Variants in KYNU observed in about 807,000 individuals in gnomAD.
The protein encoded by KYNU is L-kynurenine hydrolase.
In KYNU, 54 loss-of-function variants were observed where a neutral mutation model predicts 59.2. That is an observed-to-expected ratio of 0.91 (90% CI 0.73 to 1.14). The LOEUF (loss-of-function observed/expected upper bound fraction) is 1.14. Among genes scored for constraint, KYNU ranks in the 50% most tolerant of loss-of-function variants. The pLI, the probability that KYNU is intolerant of heterozygous loss-of-function variation, is 0.00. For synonymous variants in KYNU, 177 were observed against 192.0 expected, an observed-to-expected ratio of 0.92 and a Z score of 0.65; for missense variants, 567 against 554.4, an observed-to-expected ratio of 1.02 and a Z score of -0.23.
intron 10 of KYNU, among the ~76,000 whole-genome samples, 191 bp downstream of exon 10, chr2:142,986,212 G>A (rs1205274910): frequency 1.3e-5 from 2 of 151,876 alleles, no homozygotes; most frequent in African/African-American, 4.8e-5. Flanking sequence ...TCAATTGGTT[G>A]AACAAGAAAT....
At chr2:142,906,300 G>A (rs2104958694) in intron 2 of KYNU, among the ~76,000 whole-genome samples, 1 of 152,334 alleles carries the variant, frequency 6.6e-6, no homozygotes, top group South Asian at 2.1e-4. Flanking sequence ...CTAAGGCCCT[G>A]GCCAAGGAGC....
At chr2:142,916,447 C>T (rs1573786179) in intron 2 of KYNU, among the ~76,000 whole-genome samples, 2 of 152,268 alleles carry the variant, frequency 1.3e-5, no homozygotes, top group African/African-American at 4.8e-5. Flanking sequence ...GACTGTATGG[C>T]TTGGAAAGCC....
At chr2:143,029,415 A>G (rs1056594695) in intron 10 of KYNU, among the ~76,000 whole-genome samples, 1 of 152,094 alleles carries the variant, frequency 6.6e-6, no homozygotes, top group African/African-American at 2.4e-5. Context: ...GTGAAACCCT[A>G]TCTCTACTAA....
chr2:142,954,904 C>T (rs1297795989), intron 5 of KYNU, 33 bp downstream of exon 5: 1 of 1,255,254 alleles, frequency 8.0e-7, no homozygotes. Context: ...GTTTAGAACA[C>T]ATTCATTTAC....
intron 10 of KYNU, among the ~76,000 whole-genome samples, chr2:142,995,254 A>G (rs930356405): frequency 6.6e-6 from 1 of 152,148 alleles, no homozygotes. Flanking sequence ...AACAATTTTT[A>G]TTAACTAAAA....
intron 1 of KYNU, among the ~76,000 whole-genome samples, chr2:142,885,068 T>G (rs1458636016): frequency 8.3e-6 from 1 of 120,556 alleles, no homozygotes; most frequent in Non-Finnish European, 1.7e-5. Context: ...TTTCACCATG[T>G]TGGCCAGGCT....
At chr2:142,889,743 A>G (rs1681642877) in intron 2 of KYNU, among the ~76,000 whole-genome samples, 2 of 152,350 alleles carry the variant, frequency 1.3e-5, no homozygotes, top group South Asian at 4.1e-4. Flanking sequence ...AAAATGGTAA[A>G]GCATGTTGGA....
intron 2 of KYNU, among the ~76,000 whole-genome samples, chr2:142,890,797 T>C (rs931200109): frequency 2.0e-5 from 3 of 152,160 alleles, no homozygotes; most frequent in African/African-American, 7.2e-5. Flanking sequence ...GTTTTAAGAA[T>C]CTTTGCTCAT....
intron 1 of KYNU, chr2:142,881,576 G>C (rs1247541099): frequency 2.6e-5 from 4 of 152,172 alleles, no homozygotes; most frequent in Non-Finnish European, 4.4e-5. Context: ...CTTTAGTTCT[G>C]TGTGAGTTTG....
At chr2:142,987,601 C>T (rs1251894018) in intron 10 of KYNU, among the ~76,000 whole-genome samples, 1 of 151,914 alleles carries the variant, frequency 6.6e-6, no homozygotes, top group Non-Finnish European at 1.5e-5. Flanking sequence ...GGGTCTGTCA[C>T]CTGGAGAATC....
intron 2 of KYNU, among the ~76,000 whole-genome samples, chr2:142,906,001 GTC>G (rs796174046): frequency 5.4e-4 from 81 of 150,196 alleles, no homozygotes; most frequent in African/African-American, 1.8e-3. Flanking sequence ...TCTCATCTCT[GTC>G]TCTCTCTCTC....
intron 4 of KYNU, among the ~76,000 whole-genome samples, chr2:142,934,436 G>A (rs532873621): frequency 1.3e-5 from 2 of 152,258 alleles, no homozygotes; most frequent in African/African-American, 4.8e-5. Context: ...GAACATGGAA[G>A]TGAAGAGTAG....
intron 10 of KYNU, among the ~76,000 whole-genome samples, chr2:143,018,589 A>T (rs570196900): frequency 2.2e-4 from 33 of 150,818 alleles, no homozygotes; most frequent in Non-Finnish European, 4.4e-4. Context: ...CAGCTTTGTT[A>T]TTTCTGCTTA....
At chr2:142,932,920 C>G (rs1342998017) in intron 4 of KYNU, among the ~76,000 whole-genome samples, 6 of 152,106 alleles carry the variant, frequency 3.9e-5, no homozygotes, top group Non-Finnish European at 8.8e-5. Context: ...TGTTTAGGGT[C>G]TTTGGCGGTT....
intron 8 of KYNU, among the ~76,000 whole-genome samples, chr2:142,962,394 C>T (rs1454414552): frequency 1.3e-5 from 2 of 152,156 alleles, no homozygotes; most frequent in Non-Finnish European, 2.9e-5. Flanking sequence ...TATAAAACAC[C>T]AAATGGATTG....
chr2:143,018,933 C>T (rs1177389819), intron 10 of KYNU, among the ~76,000 whole-genome samples: 1 of 151,924 alleles, frequency 6.6e-6, no homozygotes, highest in Non-Finnish European at 1.5e-5. Flanking sequence ...TTGTTCTCAG[C>T]TTGATTGTTA....
At chr2:142,958,374 G>A (rs1024442903) in intron 7 of KYNU, among the ~76,000 whole-genome samples, 1 of 152,114 alleles carries the variant, frequency 6.6e-6, no homozygotes, top group Non-Finnish European at 1.5e-5. Flanking sequence ...TACATTAATA[G>A]AGATAAAAGG....
At chr2:143,000,795 AGCAGT>A (rs1685690964) in intron 10 of KYNU, among the ~76,000 whole-genome samples, 1 of 152,134 alleles carries the variant, frequency 6.6e-6, no homozygotes, top group Admixed American at 6.5e-5. Flanking sequence ...CAATTCTTGG[AGCAGT>A]GCTATGTGCC....
chr2:142,997,734 A>G (rs551660653), intron 10 of KYNU, among the ~76,000 whole-genome samples: 39 of 152,274 alleles, frequency 2.6e-4, no homozygotes, highest in Non-Finnish European at 1.5e-5. Flanking sequence ...GCTAAGAAAC[A>G]GATGTTTGTT....
Sources: allele counts gnomAD v4.1 joint callset (sites outside exome capture counted in the v4.1 genomes callset), GRCh38; gene constraint gnomAD v4.1.1; transcripts MANE v1.5; gene names NCBI Gene and HGNC (gene_info 2026-07-23, HGNC 2026-07-21).